CNTN5: variants seen among roughly 807,000 people sequenced by gnomAD.
CNTN5 encodes contactin-5.
A neutral mutation model predicts 129.1 loss-of-function variants in CNTN5; 77 were observed. The ratio of observed to expected loss-of-function variants is 0.60; its 90% confidence interval spans 0.50 to 0.72. The LOEUF (loss-of-function observed/expected upper bound fraction) is 0.72, where lower values mean the gene tolerates loss of function less well. Ranked by LOEUF, CNTN5 falls within the 30% of genes least tolerant of loss-of-function variation. The probability of loss-of-function intolerance (pLI) is 0.00; values close to 1 mark genes in which losing one functional copy is unlikely to be tolerated. For synonymous variants in CNTN5, 509 were observed against 465.6 expected (o/e 1.09, Z -1.20); for missense variants, 1,478 against 1,328.8 (o/e 1.11, Z -1.75).
intron 1 of CNTN5, among the ~76,000 whole-genome samples, chr11:99,206,366 C>T (rs1859482072): frequency 1.3e-5 from 2 of 152,010 alleles, no homozygotes; most frequent in South Asian, 4.1e-4. Flanking sequence ...TGATTCTTCC[C>T]ATAAAAGAAC....
intron 2 of CNTN5, among the ~76,000 whole-genome samples, chr11:99,401,860 T>A (rs199511561): frequency 8.6e-5 from 1 of 11,656 alleles, no homozygotes; most frequent in Non-Finnish European, 1.2e-4. Flanking sequence ...ATGGCACTAC[T>A]TTTTTTTCAG....
At chr11:99,350,473 T>G (rs1298377714) in intron 2 of CNTN5, among the ~76,000 whole-genome samples, 1 of 152,128 alleles carries the variant, frequency 6.6e-6, no homozygotes, top group Non-Finnish European at 1.5e-5. Context: ...ACCCAAGAAT[T>G]ATAAAACATA....
At chr11:99,417,154 G>T (rs1359418960) in intron 2 of CNTN5, among the ~76,000 whole-genome samples, 1 of 151,910 alleles carries the variant, frequency 6.6e-6, no homozygotes, top group East Asian at 1.9e-4. Context: ...ACCCAACTTG[G>T]TCTAACTTGT....
At chr11:99,247,023 A>G (rs1446344050) in intron 1 of CNTN5, among the ~76,000 whole-genome samples, 2 of 152,154 alleles carry the variant, frequency 1.3e-5, no homozygotes, top group Non-Finnish European at 2.9e-5. Context: ...CTTTACTGAA[A>G]AGTGAACGTC....
At chr11:99,932,056 T>C (rs923508256) in intron 7 of CNTN5, among the ~76,000 whole-genome samples, 1 of 152,246 alleles carries the variant, frequency 6.6e-6, no homozygotes, top group Non-Finnish European at 1.5e-5. Context: ...CATTTGACTA[T>C]GAAGCACCTA....
intron 2 of CNTN5, among the ~76,000 whole-genome samples, chr11:99,404,455 G>C (rs1229769719): frequency 3.3e-5 from 5 of 151,566 alleles, no homozygotes; most frequent in African/African-American, 1.2e-4. Context: ...ATTTCTTTTA[G>C]TGAAGGTGAT....
intron 8 of CNTN5, among the ~76,000 whole-genome samples, chr11:99,974,821 T>A (rs1937833576): frequency 6.6e-6 from 1 of 152,228 alleles, no homozygotes; most frequent in Non-Finnish European, 1.5e-5. Flanking sequence ...TTTCTTTAAA[T>A]GTAGGTTTTC....
chr11:99,369,425 C>T (rs1427048809), intron 2 of CNTN5, among the ~76,000 whole-genome samples: 1 of 151,184 alleles, frequency 6.6e-6, no homozygotes, highest in Non-Finnish European at 1.5e-5. Context: ...ACACTGAATC[C>T]TAATTATACC....
intron 2 of CNTN5, among the ~76,000 whole-genome samples, chr11:99,494,952 T>C (rs1281844553): frequency 6.6e-6 from 1 of 152,240 alleles, no homozygotes; most frequent in Non-Finnish European, 1.5e-5. Flanking sequence ...TAATTATAAT[T>C]GGTGCAAAGG....
intron 3 of CNTN5, among the ~76,000 whole-genome samples, chr11:99,613,490 T>C (rs547996508): frequency 6.6e-6 from 1 of 152,204 alleles, no homozygotes; most frequent in Non-Finnish European, 1.5e-5. Flanking sequence ...CAGTTCTCTA[T>C]AGCAGCATGA....
chr11:99,528,470 C>G (rs1234715302), intron 2 of CNTN5, among the ~76,000 whole-genome samples: 1 of 152,292 alleles, frequency 6.6e-6, no homozygotes, highest in Middle Eastern at 3.4e-3. Context: ...TCTGAAATAC[C>G]ATGGCAGACA....
At chr11:99,252,485 G>C (rs572928903) in intron 1 of CNTN5, among the ~76,000 whole-genome samples, 16 of 148,834 alleles carry the variant, frequency 1.1e-4, no homozygotes, top group African/African-American at 3.7e-4. Context: ...AACCCAAATG[G>C]CTTAGGAAAA....
At position 99,036,978 on chromosome 11, in the gene CNTN5, G is replaced by A. The variant is rs569138723; in HGVS notation, c.-210+15708G>A. Among the ~76,000 whole-genome samples the A allele has an allele frequency of 5.3e-5, 8 of 152,222 alleles. No homozygotes were observed. The South Asian group carries it at 1.7e-3, about 32-fold the overall frequency. ...TCTAAAATGCTTTGAGGCATTGCCA[G>A]ATTTTATAAGAAATAAAATGCATAT... On this transcript the variant is annotated intron_variant, in intron 1 of 24. Transcript: ENST00000524871.
intron 13 of CNTN5, among the ~76,000 whole-genome samples, chr11:100,127,649 TTC>T (rs1389281901): frequency 4.8e-5 from 6 of 125,228 alleles, no homozygotes; most frequent in South Asian, 2.4e-4. Flanking sequence ...CTTTCTTTCT[TTC>T]TTTTTTTTTT....
rs538572337 is a variant in CNTN5, at chr11:99,951,692, C to T, written c.674-5114C>T. Among the ~76,000 whole-genome samples the T allele has an allele frequency of 1.3e-3, 203 of 152,024 alleles. 1 individual carries two copies. The highest frequency in any genetic ancestry group is 1.8e-3 in the Non-Finnish European group (125 of 67,994). ...AAAAATGATCTTTTTCTCTTTTGCT[C>T]ATTCACAGTACATTCCAGATTGTTA... On this transcript the variant is annotated intron_variant, in intron 7 of 24. Transcript: ENST00000524871.
At chr11:99,331,824 C>T (rs1866011021) in intron 2 of CNTN5, among the ~76,000 whole-genome samples, 1 of 152,100 alleles carries the variant, frequency 6.6e-6, no homozygotes. Context: ...ATGTGACCTG[C>T]TTTGAACAAT....
At chr11:100,141,140 A>T (rs140787021) in intron 13 of CNTN5, among the ~76,000 whole-genome samples, 2 of 151,914 alleles carry the variant, frequency 1.3e-5, no homozygotes, top group African/African-American at 4.8e-5. Flanking sequence ...GGTTGGGGGG[A>T]GGCATGTTAA....
At chr11:99,087,544 A>G (rs1008211656) in intron 1 of CNTN5, among the ~76,000 whole-genome samples, 99 of 152,304 alleles carry the variant, frequency 6.5e-4, no homozygotes, top group African/African-American at 2.4e-3. Context: ...AAGGGACATA[A>G]TACTCATAGT....
intron 2 of CNTN5, among the ~76,000 whole-genome samples, chr11:99,407,233 G>C (rs2134984991): frequency 6.9e-6 from 1 of 145,214 alleles, no homozygotes; most frequent in Non-Finnish European, 1.5e-5. Context: ...TATTACTGCT[G>C]GTTATTCAGG....
Sources: allele counts gnomAD v4.1 joint callset (sites outside exome capture counted in the v4.1 genomes callset), GRCh38; gene constraint gnomAD v4.1.1; transcripts MANE v1.5; gene names NCBI Gene and HGNC (gene_info 2026-07-23, HGNC 2026-07-21).